PLEKHG3: variants seen among roughly 807,000 people sequenced by gnomAD.
PLEKHG3 encodes the protein pleckstrin homology and RhoGEF domain containing G3.
PLEKHG3 carries 62 observed loss-of-function variants against 94.9 expected under a neutral mutation model. The observed-to-expected ratio is 0.65, with a 90% confidence interval of 0.53 to 0.81. The LOEUF (loss-of-function observed/expected upper bound fraction) is 0.81, where lower values mean the gene tolerates loss of function less well. Among genes scored for constraint, PLEKHG3 ranks in the 30% least tolerant of loss-of-function variants. PLEKHG3 has a pLI of 0.00. For synonymous variants in PLEKHG3, 614 were observed against 654.0 expected (o/e 0.94, Z 0.93); for missense variants, 1,461 against 1,619.3 (o/e 0.90, Z 1.68).
chr14:64,719,173 A>G (rs1285886643), intron 1 of PLEKHG3, among the ~76,000 whole-genome samples: 1 of 152,212 alleles, frequency 6.6e-6, no homozygotes, highest in Non-Finnish European at 1.5e-5. Context: ...TAGAAGATGG[A>G]TAAACACACG....
chr14:64,730,809 G>A lies in PLEKHG3; in HGVS notation c.577G>A (p.Ala193Thr), dbSNP rs201431175. 27 of 1,613,018 alleles carry A rather than the reference G, an allele frequency of 1.7e-5. No homozygotes were observed. The Admixed American group carries it at 2.0e-4, about 12-fold the overall frequency. Residue 193 changes from alanine (A) to threonine (T), a missense_variant, in exon 6 of 17, where the codon GCC (alanine) becomes ACC (threonine). Transcript: ENST00000247226. This position sits in a 1 kb window ranked among gnomAD's most constrained non-coding sequence, Gnocchi z 5.4. ...TTCTCCCACTCCCAGCTCCGTGGCC[G>A]CCCTGACGGAATGCATGCGGGACAA... is the stretch of plus-strand genomic sequence containing the variant. Reference protein sequence around the residue: ...YCNNYPNSVAALTECMRDKQQ... With the variant: ...YCNNYPNSVATLTECMRDKQQ...
In PLEKHG3 at chr14:64,742,272, A is replaced by C; in HGVS notation, c.2755A>C (p.Ser919Arg). The change falls in exon 16 of 17, where the codon AGC becomes CGC. Residue 919 changes from serine to arginine, a missense_variant. Physicochemically the swap from Ser to Arg is moderately radical, Grantham distance 110 (BLOSUM62 -1). Coordinates refer to ENST00000247226, the MANE Select transcript of PLEKHG3 (RefSeq NM_001308147.2). ...CTCCCACGTAATGGACAGCCACGTGAGCGAGCGCGTCAAGAACAAGGTCTA... is the reference window on the plus strand; with the variant it reads ...CTCCCACGTAATGGACAGCCACGTGCGCGAGCGCGTCAAGAACAAGGTCTA... ...QLSHVMDSHVSERVKNKVYQL... is the reference protein window; with the variant it reads ...QLSHVMDSHVRERVKNKVYQL... 6.2e-7 allele frequency: 1 copy of C among 1,612,950 alleles called. No homozygotes were observed. Among genetic ancestry groups the C allele is most frequent in the African/African-American group, 1.3e-5 (1 of 75,030 alleles).
At position 64,744,771 on chromosome 14, in the gene PLEKHG3, A is replaced by AGTTTTTTTTTTTTTTTTTT. The variant is rs2081799505; in HGVS notation, c.*1068_*1069insGTTTTTTTTTTTTTTTTTT. ...CCAGGAAACATCCTAGAAGACAAGG[A>AGTTTTTTTTTTTTTTTTTT]TTTTTTTTTTTTTTTTTTTTGAGAC... is the stretch of plus-strand genomic sequence containing the variant. On this transcript the variant is annotated 3_prime_UTR_variant, in exon 17 of 17. Transcript: ENST00000247226. The AGTTTTTTTTTTTTTTTTTT allele has an allele frequency of 8.2e-6, 1 of 122,042 alleles. No individual in the cohort carries two copies. Among genetic ancestry groups the AGTTTTTTTTTTTTTTTTTT allele is most frequent in the African/African-American group, 3.4e-5 (1 of 29,462 alleles). 7.6% of individuals were successfully genotyped at this position (122,042 alleles called of 1,614,324 possible).
Position 64,723,220 on chromosome 14 carries a change from C to G in PLEKHG3, c.-39-4373C>G, listed in dbSNP as rs908730059. Among the ~76,000 whole-genome samples the G allele has an allele frequency of 2.0e-5, 3 of 152,272 alleles. No individual in the cohort carries two copies. Among genetic ancestry groups the G allele is most frequent in the Admixed American group, 2.0e-4 (3 of 15,308 alleles). ...AAGAAAAGAAACCTCCCTCTCTCCC[C>G]CTCTTCTGCCCCTGGATCCTTAAAG... On this transcript the variant is annotated intron_variant, in intron 1 of 16. Transcript: ENST00000247226. This position sits in a 1 kb window ranked among gnomAD's most constrained non-coding sequence, Gnocchi z 4.5.
chr14:64,705,129 G>T (rs1184677486), intron 1 of PLEKHG3, among the ~76,000 whole-genome samples: 1 of 152,198 alleles, frequency 6.6e-6, no homozygotes, highest in Non-Finnish European at 1.5e-5. Flanking sequence ...CCCCGGAGGC[G>T]CCTGCAGCCT....
In PLEKHG3 at chr14:64,741,592, G is replaced by T. The variant is rs752661877; in HGVS notation, c.2075G>T (p.Gly692Val). 1.9e-6 allele frequency: 3 copies of T among 1,612,862 alleles called. No homozygotes were observed. The African/African-American group carries it at 4.0e-5, about 22-fold the overall frequency. The change falls in exon 16 of 17, where the codon GGC (glycine) becomes GTC (valine). Residue 692 changes from glycine (G) to valine (V), a missense_variant. Transcript: ENST00000247226. ...AATGGGATGGAGCCCCCAAGCCCAG[G>T]CTGCCCAGTGGAGCCTGACCGGTCT... ...SVNGMEPPSP[G>V]CPVEPDRSSC... is the part of the protein sequence containing the mutation.
chr14:64,738,462 G>C lies in PLEKHG3; in HGVS notation c.1405-280G>C, dbSNP rs1475774377. On this transcript the variant is annotated intron_variant, in intron 14 of 16. Coordinates refer to ENST00000247226, the MANE Select transcript of PLEKHG3 (RefSeq NM_001308147.2). This position sits in a 1 kb window ranked among gnomAD's most constrained non-coding sequence, Gnocchi z 4.8. ...AGCATGACAAGTGGGGTGGGGTGGT[G>C]GGGGCAGGGAGAAGCTAGCACACAG... Among the ~76,000 whole-genome samples the C allele has an allele frequency of 3.9e-5, 6 of 152,212 alleles. No individual in the cohort carries two copies. In the East Asian group the frequency reaches 1.2e-3, roughly 29 times the overall value.
intron 14 of PLEKHG3, 54 bp downstream of exon 14, chr14:64,737,429 A>T: frequency 2.3e-6 from 3 of 1,328,266 alleles, no homozygotes; most frequent in Non-Finnish European, 3.1e-6. Flanking sequence ...GGGACTGCCC[A>T]GGTCAGCCCC....
chr14:64,731,069 A>G lies in PLEKHG3; in HGVS notation c.749A>G (p.Asp250Gly). ...GCCAAGCATTTTGATGAAGAAGAGG[A>G]TGGCTTTGAGGTGGTGGAGGATGCC... is the stretch of plus-strand genomic sequence containing the variant. ...EIAKHFDEEE[D>G]GFEVVEDAID... The change falls in exon 7 of 17, where the codon GAT becomes GGT. Residue 250 changes from aspartate to glycine, a missense_variant. By Grantham distance (94) the Asp-to-Gly change is moderately conservative. Around this residue, in one of 3 missense-constraint regions of PLEKHG3, gnomAD observed 1,201 missense variants for 1,295.5 expected, o/e 0.93. Coordinates refer to ENST00000247226, the MANE Select transcript of PLEKHG3 (RefSeq NM_001308147.2). The surrounding 1 kb of genome is among the most constrained non-coding windows in gnomAD (Gnocchi z 6.1). 1 of 1,613,874 alleles carries G rather than the reference A, an allele frequency of 6.2e-7. No homozygotes were observed. Among genetic ancestry groups the G allele is most frequent in the South Asian group, 1.1e-5 (1 of 91,074 alleles).
Position 64,716,878 on chromosome 14 carries a change from A to G in PLEKHG3, c.-39-10715A>G, listed in dbSNP as rs1385617645. On this transcript the variant is annotated intron_variant, in intron 1 of 16. Coordinates refer to ENST00000247226, the MANE Select transcript of PLEKHG3 (RefSeq NM_001308147.2). The surrounding 1 kb of genome is among the most constrained non-coding windows in gnomAD (Gnocchi z 5.0). ...TGGGTAATACTGCCCCACCGGTCTG[A>G]ATTCTGGTCCATGTACGCTCCCAGC... Among the ~76,000 whole-genome samples, 1 of 152,132 alleles carries G rather than the reference A, an allele frequency of 6.6e-6. No individual in the cohort carries two copies. Among genetic ancestry groups the G allele is most frequent in the Non-Finnish European group, 1.5e-5 (1 of 68,026 alleles).
In PLEKHG3 at chr14:64,738,435, C is replaced by T. The variant is rs1048502097; in HGVS notation, c.1405-307C>T. Among the ~76,000 whole-genome samples the T allele has an allele frequency of 6.6e-6, 1 of 152,194 alleles. No individual in the cohort carries two copies. The highest frequency in any genetic ancestry group is 1.5e-5 in the Non-Finnish European group (1 of 68,028). ...GGGCACTAATCAATATAACGCCCAA[C>T]AAGCATGACAAGTGGGGTGGGGTGG... is the stretch of plus-strand genomic sequence containing the variant. On this transcript the variant is annotated intron_variant, in intron 14 of 16. Coordinates refer to ENST00000247226, the MANE Select transcript of PLEKHG3 (RefSeq NM_001308147.2). The surrounding 1 kb of genome is among the most constrained non-coding windows in gnomAD (Gnocchi z 4.8).
In PLEKHG3 at chr14:64,732,403, C is replaced by T. The variant is rs1422411253; in HGVS notation, c.1213-24C>T. 6.2e-7 allele frequency: 1 copy of T among 1,608,580 alleles called. No individual in the cohort carries two copies. The highest frequency in any genetic ancestry group is 2.2e-5 in the East Asian group (1 of 44,854). On this transcript the variant is annotated intron_variant, in intron 10 of 16. Coordinates refer to ENST00000247226, the MANE Select transcript of PLEKHG3 (RefSeq NM_001308147.2). The surrounding 1 kb of genome is among the most constrained non-coding windows in gnomAD (Gnocchi z 4.9). ...GGCCGGCACATGGTAAGGTAATAAC[C>T]AGGTGTGTTTCCTTCCCCTTCAGGC...
rs757326919 is a variant in PLEKHG3, at chr14:64,732,817, C to T, written c.1261C>T (p.Arg421Cys). 31 of 1,607,316 alleles carry T rather than the reference C, an allele frequency of 1.9e-5. No individual in the cohort carries two copies. The highest frequency in any genetic ancestry group is 2.7e-5 in the African/African-American group (2 of 74,870). ...EMDSYYPNRY[R>C]CSPERLKKAW... is the part of the protein sequence containing the mutation. ...CCTGGGTGCAGATCCCAATCGGTAC[C>T]GCTGCAGCCCAGAGCGGCTGAAGAA... Residue 421 changes from arginine (R) to cysteine (C), a missense_variant, in exon 12 of 17, where the codon CGC (arginine) becomes TGC (cysteine). Arg to Cys is a radical substitution (Grantham distance 180). Coordinates refer to ENST00000247226, the MANE Select transcript of PLEKHG3 (RefSeq NM_001308147.2). The surrounding 1 kb of genome is among the most constrained non-coding windows in gnomAD (Gnocchi z 4.9).
intron 13 of PLEKHG3, chr14:64,737,128 C>T (rs937210713): frequency 3.4e-5 from 22 of 643,480 alleles, no homozygotes; most frequent in African/African-American, 1.8e-4. Context: ...CAATGAGAGC[C>T]GAGCAACAGG....
In PLEKHG3 at chr14:64,732,900, T is replaced by G; in HGVS notation, c.1344T>G (p.Ser448=). The G allele has an allele frequency of 6.3e-7, 1 of 1,594,992 alleles. No individual in the cohort carries two copies. The highest frequency in any genetic ancestry group is 1.1e-5 in the South Asian group (1 of 88,408). The part of the protein sequence containing the change: ...STNVRQGRRQ[S]EPTKHLLRQL... ...ATGTGCGCCAGGGGCGCCGGCAATC[T>G]GGTAAGAGAAGGGCTGTGGAGGCAG... Residue 448 remains serine, a splice_region_variant and synonymous_variant, in exon 12 of 17, where the codon TCT becomes TCG. Transcript: ENST00000247226. The surrounding 1 kb of genome is among the most constrained non-coding windows in gnomAD (Gnocchi z 4.9).
Position 64,742,296 on chromosome 14 carries a change from T to C in PLEKHG3, c.2779T>C (p.Tyr927His), listed in dbSNP as rs1355326432. The C allele has an allele frequency of 6.2e-7, 1 of 1,612,832 alleles. No homozygotes were observed. Among genetic ancestry groups the C allele is most frequent in the East Asian group, 2.2e-5 (1 of 44,870 alleles). Residue 927 changes from tyrosine to histidine, a missense_variant, in exon 16 of 17, where the codon TAC becomes CAC. This residue lies in a region of PLEKHG3 where 1,201 missense variants were observed against 1,295.5 expected (regional missense o/e 0.93). Coordinates refer to ENST00000247226, the MANE Select transcript of PLEKHG3 (RefSeq NM_001308147.2). ...GAGCGAGCGCGTCAAGAACAAGGTC[T>C]ACCAGCTGGCCCGCCAGTACAGCCT... Reference protein sequence around the residue: ...HVSERVKNKVYQLARQYSLRI... With the variant: ...HVSERVKNKVHQLARQYSLRI...
Position 64,741,001 on chromosome 14 carries a change from T to A in PLEKHG3, c.1519-35T>A, listed in dbSNP as rs751887297. On this transcript the variant is annotated intron_variant, in intron 15 of 16. Coordinates refer to ENST00000247226, the MANE Select transcript of PLEKHG3 (RefSeq NM_001308147.2). Reference sequence around the variant, plus strand: ...TTCCCCGGATCCCATGAAGGAGGCTTTTTACTCATGTGAGCCTTTTCTGCT... The same window carrying A: ...TTCCCCGGATCCCATGAAGGAGGCTATTTACTCATGTGAGCCTTTTCTGCT... The A allele has an allele frequency of 9.9e-6, 15 of 1,511,696 alleles. No individual in the cohort carries two copies. In the South Asian group the frequency reaches 1.6e-4, roughly 16 times the overall value. 93.6% of individuals were successfully genotyped at this position (1,511,696 alleles called of 1,614,324 possible). A position where few individuals can be genotyped will look rare whatever the true frequency, so the allele number is the denominator to read the frequency against.
In PLEKHG3 at chr14:64,732,297, C is replaced by A; in HGVS notation, c.1212+116C>A. On this transcript the variant is annotated intron_variant, in intron 10 of 16. Transcript: ENST00000247226. This position sits in a 1 kb window ranked among gnomAD's most constrained non-coding sequence, Gnocchi z 4.9. ...TTGGGCTCCAGTGGACAGTGAGTGT[C>A]AGTACAGCAGATGCCCCGGGCCTTG... The A allele has an allele frequency of 2.5e-6, 3 of 1,215,122 alleles. No homozygotes were observed. Among genetic ancestry groups the A allele is most frequent in the South Asian group, 1.2e-5 (1 of 81,486 alleles). The allele number at this position is 1,215,122 out of a possible 1,614,324, so 75.3% of individuals were successfully genotyped here. A position where few individuals can be genotyped will look rare whatever the true frequency, so the allele number is the denominator to read the frequency against.
At position 64,746,804 on chromosome 14, in the gene PLEKHG3, A is replaced by T. The variant is rs906059042; in HGVS notation, c.*3101A>T. ...GGAGCTTCCTCTAAACTGCCCTGGGAAGGAAGCCTGGTATGCTGGTGTGGA... is the reference window on the plus strand; with the variant it reads ...GGAGCTTCCTCTAAACTGCCCTGGGTAGGAAGCCTGGTATGCTGGTGTGGA... On this transcript the variant is annotated 3_prime_UTR_variant, in exon 17 of 17. Coordinates refer to ENST00000247226, the MANE Select transcript of PLEKHG3 (RefSeq NM_001308147.2). The surrounding 1 kb of genome is among the most constrained non-coding windows in gnomAD (Gnocchi z 4.9). 6.6e-6 allele frequency: 1 copy of T among 152,586 alleles called. No individual in the cohort carries two copies. The highest frequency in any genetic ancestry group is 1.5e-5 in the Non-Finnish European group (1 of 68,114). 9.5% of individuals were successfully genotyped at this position (152,586 alleles called of 1,614,324 possible).
Sources: gnomAD v4.1 joint callset for allele counts (sites outside exome capture counted in the v4.1 genomes callset) on GRCh38, gnomAD v4.1.1 for gene constraint, gnomAD v4.1.1 regional missense constraint, Gnocchi (gnomAD v3.1) non-coding constraint, MANE v1.5 for transcripts, NCBI Gene and HGNC (gene_info 2026-07-23, HGNC 2026-07-21) for gene names.